Variants in ITPR1 observed in about 807,000 individuals in gnomAD.
ITPR1 encodes inositol 1,4,5-trisphosphate-gated calcium channel ITPR1.
In ITPR1, 96 loss-of-function variants were observed where a neutral mutation model predicts 318.4. The observed-to-expected ratio is 0.30, with a 90% CI of 0.26 to 0.36. The LOEUF is 0.36. ITPR1 is among the 10% of genes least tolerant of loss of function. ITPR1 has a pLI of 1.00. For synonymous variants in ITPR1, 1,312 were observed against 1,289.9 expected (o/e 1.02, Z -0.37); for missense variants, 2,440 against 3,460.2 (o/e 0.71, Z 7.40).
intron 6 of ITPR1, among the ~76,000 whole-genome samples, chr3:4,639,744 G>C (rs2093293587): frequency 6.6e-6 from 1 of 152,112 alleles, no homozygotes; most frequent in African/African-American, 2.4e-5. Context: ...TACTTGAAAA[G>C]GAACCTGGCT....
At chr3:4,645,357 G>C in intron 8 of ITPR1, 30 bp from the exon 9 acceptor site, 2 of 1,501,228 alleles carry the variant, frequency 1.3e-6, no homozygotes, top group Non-Finnish European at 1.9e-6. Flanking sequence ...TGAGGGGTAC[G>C]TGAAAAAATA....
intron 51 of ITPR1, among the ~76,000 whole-genome samples, chr3:4,787,337 CAAAAAAAAAAA>C (rs71053443): frequency 5.8e-5 from 3 of 51,346 alleles, no homozygotes; most frequent in African/African-American, 2.6e-4. Context: ...GACTCCATCT[CAAAAAAAAAAA>C]AAAAAAAAAA....
intron 61 of ITPR1, among the ~76,000 whole-genome samples, chr3:4,842,232 T>G (rs1212630156): frequency 6.6e-6 from 1 of 152,266 alleles, no homozygotes; most frequent in Admixed American, 6.5e-5. Flanking sequence ...TATTCTTTGC[T>G]TCTTGTTTAG....
At chr3:4,660,176 A>G (rs2093801779) in intron 13 of ITPR1, among the ~76,000 whole-genome samples, 1 of 152,222 alleles carries the variant, frequency 6.6e-6, no homozygotes, top group Non-Finnish European at 1.5e-5. Context: ...GGAATATGAT[A>G]CAATAAAATG....
At chr3:4,533,510 C>T (rs1212630085) in intron 4 of ITPR1, among the ~76,000 whole-genome samples, 1 of 152,248 alleles carries the variant, frequency 6.6e-6, no homozygotes, top group Non-Finnish European at 1.5e-5. Flanking sequence ...CAGTAAATAC[C>T]TGCAATACAG....
chr3:4,789,531 A>T (rs546735111), intron 52 of ITPR1, among the ~76,000 whole-genome samples: 4 of 152,356 alleles, frequency 2.6e-5, no homozygotes, highest in African/African-American at 9.6e-5. Flanking sequence ...GAGAAAACTT[A>T]TCTGTTGCTT....
At chr3:4,621,603 C>T (rs539609484) in intron 4 of ITPR1, among the ~76,000 whole-genome samples, 61 of 152,190 alleles carry the variant, frequency 4.0e-4, no homozygotes, top group Non-Finnish European at 7.1e-4. Context: ...TTTGCTGAAG[C>T]CTTTGTGTGG....
intron 25 of ITPR1, among the ~76,000 whole-genome samples, chr3:4,681,062 A>G (rs146989564): frequency 6.6e-6 from 1 of 152,168 alleles, no homozygotes; most frequent in Non-Finnish European, 1.5e-5. Flanking sequence ...CTGCCCAGGA[A>G]CTAGTGGTGA....
intron 2 of ITPR1, among the ~76,000 whole-genome samples, chr3:4,506,224 A>G (rs1466922227): frequency 6.6e-6 from 1 of 152,152 alleles, no homozygotes; most frequent in Non-Finnish European, 1.5e-5. Context: ...GTGAAGTCCT[A>G]CTGGCTCTAT....
At chr3:4,631,995 C>G (rs187531793) in intron 5 of ITPR1, among the ~76,000 whole-genome samples, 5 of 152,316 alleles carry the variant, frequency 3.3e-5, no homozygotes, top group African/African-American at 1.2e-4. Context: ...GCTGGACATA[C>G]AATTGTATGG....
intron 59 of ITPR1, 63 bp from the exon 60 acceptor site, chr3:4,818,013 CTGTTAT>C: frequency 7.4e-7 from 1 of 1,348,076 alleles, no homozygotes; most frequent in Non-Finnish European, 1.0e-6. Flanking sequence ...ACTGACAGTT[CTGTTAT>C]TGATTTTTTT....
At chr3:4,677,918 C>G (rs896325678) in intron 24 of ITPR1, among the ~76,000 whole-genome samples, 1 of 124,260 alleles carries the variant, frequency 8.0e-6, no homozygotes, top group African/African-American at 2.8e-5. Context: ...CTCTCTACAG[C>G]TTTGAACCCC....
chr3:4,746,253 C>T (rs140474328), intron 44 of ITPR1, among the ~76,000 whole-genome samples: 120 of 152,322 alleles, frequency 7.9e-4, no homozygotes, highest in Admixed American at 2.7e-3. Context: ...CAAATGGAAC[C>T]CTCACTACCT....
rs2046694055 is a variant in ITPR1 at position 4,779,655 on chromosome 3, G to A, written c.6387+10G>A. On this transcript the variant is annotated intron_variant, in intron 49 of 61. Transcript: ENST00000649015. The surrounding 1 kb of genome is among the most constrained non-coding windows in gnomAD (Gnocchi z 4.0). The stretch of plus-strand genomic sequence containing the variant: ...GAGGCCCAAGGAACTGGTGAGTCGG[G>A]TGACGGATCTGATGGTAGCACCAAG... 6.3e-7 allele frequency: 1 copy of A among 1,580,964 alleles called. No homozygotes were observed. Among genetic ancestry groups the A allele is most frequent in the Admixed American group, 1.7e-5 (1 of 59,830 alleles).
At chr3:4,699,494 C>T (rs1489535207) in intron 34 of ITPR1, among the ~76,000 whole-genome samples, 1 of 152,180 alleles carries the variant, frequency 6.6e-6, no homozygotes, top group Non-Finnish European at 1.5e-5. Flanking sequence ...AAATTTAAGA[C>T]ACCTGTAGTC....
rs148279680 is a variant in ITPR1 at position 4,595,128 on chromosome 3, C to T, written c.164-32635C>T. Among the ~76,000 whole-genome samples the T allele has an allele frequency of 1.7e-3, 264 of 152,218 alleles. 1 individual carries two copies. The highest frequency in any genetic ancestry group is 5.7e-3 in the African/African-American group (238 of 41,518). On this transcript the variant is annotated intron_variant, in intron 4 of 61. Coordinates refer to ENST00000649015, the MANE Select transcript of ITPR1 (RefSeq NM_001378452.1). ...TGCTGAGTCAAGTATCATAATGAAACGTGTATTAGTCTGTTTTTGCATTGC... is the reference window on the plus strand; with the variant it reads ...TGCTGAGTCAAGTATCATAATGAAATGTGTATTAGTCTGTTTTTGCATTGC...
At chr3:4,517,393 A>G (rs1321125047) in intron 3 of ITPR1, among the ~76,000 whole-genome samples, 1 of 152,176 alleles carries the variant, frequency 6.6e-6, no homozygotes, top group Non-Finnish European at 1.5e-5. Context: ...ACTCAAATAA[A>G]TTGGGGGAAG....
chr3:4,695,817 G>A (rs1407687415), intron 33 of ITPR1, among the ~76,000 whole-genome samples: 1 of 152,106 alleles, frequency 6.6e-6, no homozygotes, highest in Non-Finnish European at 1.5e-5. Context: ...TTCTTCTACT[G>A]ATGCTCATTT....
At chr3:4,803,472 C>A (rs138987285) in intron 54 of ITPR1, among the ~76,000 whole-genome samples, 8 of 152,300 alleles carry the variant, frequency 5.3e-5, no homozygotes, top group Non-Finnish European at 1.0e-4. Context: ...GGTGAAAATG[C>A]ATTTACATCG....
Sources: gnomAD v4.1 joint callset for allele counts (sites outside exome capture counted in the v4.1 genomes callset) on GRCh38, gnomAD v4.1.1 for gene constraint, Gnocchi (gnomAD v3.1) non-coding constraint, MANE v1.5 for transcripts, NCBI Gene and HGNC (gene_info 2026-07-23, HGNC 2026-07-21) for gene names.